IL1RAPL2: variants seen among roughly 807,000 people sequenced by gnomAD.
IL1RAPL2 encodes the protein X-linked interleukin-1 receptor accessory protein-like 2.
IL1RAPL2 carries 3 observed loss-of-function variants against 44.1 expected under a neutral mutation model. The ratio of observed to expected loss-of-function variants is 0.07; its 90% CI spans 0.03 to 0.18. The LOEUF is 0.18. Among genes scored for constraint, IL1RAPL2 ranks in the 10% least tolerant of loss-of-function variants. IL1RAPL2 has a pLI of 1.00. For missense variants in IL1RAPL2, 391 were observed against 496.4 expected (o/e 0.79, Z 2.02); for synonymous variants, 181 against 178.8 (o/e 1.01, Z -0.10).
At chrX:105,549,751 T>A (rs1269952663) in intron 6 of IL1RAPL2, among the ~76,000 whole-genome samples, 3 of 111,277 alleles carry the variant, frequency 2.7e-5, no homozygotes, top group Non-Finnish European at 5.7e-5. Flanking sequence ...GATGCCAAAT[T>A]TCTTCACAGT....
chrX:105,078,477 G>T (rs1319323577), intron 2 of IL1RAPL2, among the ~76,000 whole-genome samples: 1 of 112,275 alleles, frequency 8.9e-6, no homozygotes, highest in Non-Finnish European at 1.9e-5. Context: ...CTACTCGGGG[G>T]TCAGGGACCC....
At position 104,674,465 on chromosome X, in the gene IL1RAPL2, T is replaced by C. The variant is rs1042077265; in HGVS notation, c.82+15470T>C. Among the ~76,000 whole-genome samples, 3 of 112,105 alleles carry C rather than the reference T, an allele frequency of 2.7e-5. No individual in the cohort carries two copies. The Admixed American group carries it at 2.8e-4, about 11-fold the overall frequency. On this transcript the variant is annotated intron_variant, in intron 2 of 10. Transcript: ENST00000372582. The stretch of plus-strand genomic sequence containing the variant: ...ATGAAGCCCACTTGATCATGGTGGA[T>C]AAGCTTTTTGATGTGCTTCTGGATT...
At chrX:104,570,740 C>T (rs1318916233) in intron 1 of IL1RAPL2, among the ~76,000 whole-genome samples, 1 of 111,783 alleles carries the variant, frequency 8.9e-6, no homozygotes, top group Non-Finnish European at 1.9e-5. Flanking sequence ...AATACATATT[C>T]CCTGTGCCAA....
intron 4 of IL1RAPL2, among the ~76,000 whole-genome samples, chrX:105,258,254 G>A (rs2034330582): frequency 9.0e-6 from 1 of 111,248 alleles, no homozygotes; most frequent in African/African-American, 3.3e-5. Context: ...GTTGAATATA[G>A]GCCCCCAATC....
chrX:105,760,914 C>T (rs1388768098), intron 10 of IL1RAPL2, among the ~76,000 whole-genome samples: 1 of 111,311 alleles, frequency 9.0e-6, no homozygotes, highest in East Asian at 2.8e-4. Context: ...CACGGTGGCT[C>T]ACGCCTGTAA....
chrX:104,583,969 G>A (rs1010001266), intron 1 of IL1RAPL2, among the ~76,000 whole-genome samples: 1 of 111,496 alleles, frequency 9.0e-6, no homozygotes, highest in Non-Finnish European at 1.9e-5. Context: ...TGGATATTGT[G>A]TCAAGGTATG....
intron 2 of IL1RAPL2, among the ~76,000 whole-genome samples, chrX:104,761,952 T>C (rs1401258028): frequency 2.3e-5 from 2 of 88,655 alleles, no homozygotes; most frequent in African/African-American, 1.0e-4. Flanking sequence ...CTTCTTCTTC[T>C]TCTTCTTCTT....
rs570179078 is a variant in IL1RAPL2 at position 105,421,053 on chromosome X, G to A, written c.698-63260G>A. ...TGCACACCTGTGACACAGCCTTAGC[G>A]TGTCCTGATGACATGTGCCCATGGT... is the stretch of plus-strand genomic sequence containing the variant. On this transcript the variant is annotated intron_variant, in intron 5 of 10. Coordinates refer to ENST00000372582, the MANE Select transcript of IL1RAPL2 (RefSeq NM_017416.2). Among the ~76,000 whole-genome samples, 67 of 111,977 alleles carry A rather than the reference G, an allele frequency of 6.0e-4. No individual in the cohort carries two copies. In the Middle Eastern group the frequency reaches 0.028, roughly 46 times the overall value.
At chrX:105,005,406 C>T (rs1157345907) in intron 2 of IL1RAPL2, among the ~76,000 whole-genome samples, 1 of 111,254 alleles carries the variant, frequency 9.0e-6, no homozygotes, top group Non-Finnish European at 1.9e-5. Context: ...GTGGGCATCA[C>T]CTGGGAGCTC....
In IL1RAPL2 at chrX:104,942,953, A is replaced by T. The variant is rs777714742; in HGVS notation, c.83-252522A>T. 9.0e-5 allele frequency among the ~76,000 whole-genome samples: 10 copies of T among 111,622 alleles called. No individual in the cohort carries two copies. The East Asian group carries it at 2.3e-3, about 25-fold the overall frequency. On this transcript the variant is annotated intron_variant, in intron 2 of 10. Coordinates refer to ENST00000372582, the MANE Select transcript of IL1RAPL2 (RefSeq NM_017416.2). ...CTTTTCTGCATCTATTGAGATAATC[A>T]TGTGGTTTTTGTCTTTGGTTCTGTT...
rs139744375 is a variant in IL1RAPL2 at position 105,630,215 on chromosome X, T to C, written c.773-87152T>C. ...TTACCTCTTCCCTGTGACCTTCCTA[T>C]TGAGAGTAAATCTCTCTAACATTCA... is the stretch of plus-strand genomic sequence containing the variant. On this transcript the variant is annotated intron_variant, in intron 6 of 10. Transcript: ENST00000372582. 8.0e-3 allele frequency among the ~76,000 whole-genome samples: 896 copies of C among 111,636 alleles called. 9 individuals are homozygous for C. Among genetic ancestry groups the C allele is most frequent in the Non-Finnish European group, 0.012 (623 of 53,089 alleles).
chrX:105,306,027 T>C (rs1293560833), intron 5 of IL1RAPL2, among the ~76,000 whole-genome samples: 1 of 89,277 alleles, frequency 1.1e-5, no homozygotes, highest in Admixed American at 1.0e-4. Flanking sequence ...TTATAACTAC[T>C]TCATTTTGTG....
intron 2 of IL1RAPL2, among the ~76,000 whole-genome samples, chrX:104,940,610 A>G (rs1411668663): frequency 4.5e-5 from 5 of 110,327 alleles, no homozygotes; most frequent in Admixed American, 1.9e-4. Flanking sequence ...CTGGACCTTT[A>G]ATCTTGGTTT....
intron 2 of IL1RAPL2, among the ~76,000 whole-genome samples, chrX:105,191,948 G>A (rs782558175): frequency 9.0e-6 from 1 of 111,728 alleles, no homozygotes; most frequent in Admixed American, 9.5e-5. Flanking sequence ...CTAGTCAACA[G>A]TCTTCTCAGG....
chrX:104,920,528 TCCC>T, intron 2 of IL1RAPL2, among the ~76,000 whole-genome samples: 1 of 99,524 alleles, frequency 1.0e-5, no homozygotes, highest in East Asian at 3.5e-4. Flanking sequence ...GCCCCTCCCC[TCCC>T]CTCCCCTCTC....
chrX:105,517,785 A>G (rs2036525780), intron 6 of IL1RAPL2, among the ~76,000 whole-genome samples: 2 of 111,814 alleles, frequency 1.8e-5, no homozygotes, highest in South Asian at 7.5e-4. Flanking sequence ...ATACAGAGAT[A>G]ACAACTGAAA....
chrX:105,217,650 CAT>C (rs1176967537), intron 3 of IL1RAPL2, among the ~76,000 whole-genome samples: 8 of 112,158 alleles, frequency 7.1e-5, no homozygotes, highest in African/African-American at 1.3e-4. Flanking sequence ...CACATGCACA[CAT>C]ATGTTTATTG....
intron 2 of IL1RAPL2, among the ~76,000 whole-genome samples, chrX:104,830,439 T>C (rs1249274578): frequency 8.9e-6 from 1 of 111,787 alleles, no homozygotes; most frequent in Admixed American, 9.5e-5. Flanking sequence ...GCAGCAGTGT[T>C]TTTATTCAAG....
chrX:105,748,094 ATACCATACCATCTTTTG>A (rs2038564879), intron 8 of IL1RAPL2, among the ~76,000 whole-genome samples: 1 of 111,605 alleles, frequency 9.0e-6, no homozygotes, highest in Non-Finnish European at 1.9e-5. Context: ...AAATTTCATG[ATACCATACCATCTTTTG>A]ATGATACACT....
Sources: gnomAD v4.1 joint callset for allele counts (sites outside exome capture counted in the v4.1 genomes callset) on GRCh38, gnomAD v4.1.1 for gene constraint, MANE v1.5 for transcripts, NCBI Gene and HGNC (gene_info 2026-07-23, HGNC 2026-07-21) for gene names.